CLIP4: variants seen among roughly 807,000 people sequenced by gnomAD.
CLIP4 encodes CAP-Gly domain-containing linker protein 4.
Under a neutral mutation model 73.1 loss-of-function variants are expected in CLIP4, and 47 were observed. The observed-to-expected ratio is 0.64, with a 90% CI of 0.51 to 0.82. The LOEUF (loss-of-function observed/expected upper bound fraction) is 0.82, where lower values mean the gene tolerates loss of function less well. Among genes scored for constraint, CLIP4 ranks in the 40% least tolerant of loss-of-function variants. The pLI, the probability that CLIP4 is intolerant of heterozygous loss-of-function variation, is 0.00. For missense variants in CLIP4, 874 were observed against 852.9 expected (o/e 1.02, Z -0.31); for synonymous variants, 306 against 295.4 (o/e 1.04, Z -0.37).
intron 8 of CLIP4, among the ~76,000 whole-genome samples, chr2:29,147,956 A>G (rs2148009410): frequency 1.3e-5 from 2 of 152,312 alleles, no homozygotes; most frequent in Middle Eastern, 6.8e-3. Flanking sequence ...GGCAGGATCA[A>G]AAGCCTTTAG....
At chr2:29,179,647 G>C (rs1039242503) in intron 15 of CLIP4, among the ~76,000 whole-genome samples, 1 of 152,178 alleles carries the variant, frequency 6.6e-6, no homozygotes, top group African/African-American at 2.4e-5. Context: ...CCTAGTAAGT[G>C]TTCAGGAAAT....
At chr2:29,164,261 A>G (rs1418990012) in intron 13 of CLIP4, among the ~76,000 whole-genome samples, 1 of 152,240 alleles carries the variant, frequency 6.6e-6, no homozygotes. Context: ...CATGCAAACA[A>G]AAGTAAAAAT....
intron 1 of CLIP4, among the ~76,000 whole-genome samples, chr2:29,107,371 T>TTG (rs1668249339): frequency 8.4e-6 from 1 of 119,008 alleles, no homozygotes; most frequent in African/African-American, 3.5e-5. Flanking sequence ...TTTTTTTTTT[T>TTG]TTTTTTTTTT....
At chr2:29,178,424 A>G (rs923521821) in intron 15 of CLIP4, among the ~76,000 whole-genome samples, 4 of 151,842 alleles carry the variant, frequency 2.6e-5, no homozygotes, top group Admixed American at 2.0e-4. Context: ...CAGGTGATCC[A>G]CCTGCCTCAG....
rs934614262 is a variant in CLIP4, at chr2:29,183,229, A to G, written c.*1336A>G. The G allele has an allele frequency of 2.0e-5, 3 of 152,658 alleles. No homozygotes were observed. The highest frequency in any genetic ancestry group is 4.8e-5 in the African/African-American group (2 of 41,466). 9.5% of individuals were successfully genotyped at this position (152,658 alleles called of 1,614,324 possible). A position where few individuals can be genotyped will look rare whatever the true frequency, so the allele number is the denominator to read the frequency against. On this transcript the variant is annotated 3_prime_UTR_variant, in exon 16 of 16. Coordinates refer to ENST00000320081, the MANE Select transcript of CLIP4 (RefSeq NM_024692.6). ...GAAATATTGGAACAGTTTGCTTTATAAGATTAAAAAGCATCCTTCAGAATG... is the reference window on the plus strand; with the variant it reads ...GAAATATTGGAACAGTTTGCTTTATGAGATTAAAAAGCATCCTTCAGAATG...
In CLIP4 at chr2:29,105,661, G is replaced by A. The variant is rs59418571; in HGVS notation, c.-16+7714G>A. Among the ~76,000 whole-genome samples the A allele has an allele frequency of 9.6e-3, 1,458 of 152,320 alleles. 30 individuals are homozygous for A. Among genetic ancestry groups the A allele is most frequent in the African/African-American group, 0.033 (1,390 of 41,572 alleles). On this transcript the variant is annotated intron_variant, in intron 1 of 14. Transcript: ENST00000401605. ...CTAGACTGCTAGGGACTAAATGTTT[G>A]TGTACCCCCAAATCATGTTGAAACC...
Position 29,121,497 on chromosome 2 carries a change from G to T in CLIP4, c.109G>T (p.Ala37Ser). ...SDTPVIFSIS[A>S]APMPSDCEFS... The stretch of plus-strand genomic sequence containing the variant: ...TACCCCAGTTATCTTTTCCATTTCT[G>T]CAGCACCAATGCCTTCAGACTGTGG... The change falls in exon 2 of 16, where the codon GCA becomes TCA. Residue 37 changes from alanine to serine, a missense_variant. By Grantham distance (99) the Ala-to-Ser change is moderately conservative (BLOSUM62 1). Transcript: ENST00000320081. 6.2e-7 allele frequency: 1 copy of T among 1,613,620 alleles called. No individual in the cohort carries two copies. The highest frequency in any genetic ancestry group is 8.5e-7 in the Non-Finnish European group (1 of 1,179,814).
chr2:29,120,665 C>T (rs892251038), intron 1 of CLIP4, among the ~76,000 whole-genome samples: 34 of 152,148 alleles, frequency 2.2e-4, no homozygotes, highest in African/African-American at 8.2e-4. Context: ...AGCAGTTTCT[C>T]TGCTTTCTAC....
At chr2:29,159,692 A>T (rs900787356) in intron 11 of CLIP4, among the ~76,000 whole-genome samples, 2 of 101,576 alleles carry the variant, frequency 2.0e-5, no homozygotes, top group Non-Finnish European at 5.6e-5. Flanking sequence ...TTAAAAAAAA[A>T]AAAAAAAAAA....
chr2:29,137,125 C>T (rs1665421741), intron 6 of CLIP4, among the ~76,000 whole-genome samples: 3 of 151,854 alleles, frequency 2.0e-5, no homozygotes, highest in African/African-American at 4.8e-5. Flanking sequence ...TCTGTTGACG[C>T]CGTCACCCAA....
At chr2:29,137,337 ATGT>A (rs1665440086) in intron 6 of CLIP4, among the ~76,000 whole-genome samples, 1 of 152,150 alleles carries the variant, frequency 6.6e-6, no homozygotes, top group Non-Finnish European at 1.5e-5. Flanking sequence ...AGTTGCATCC[ATGT>A]TGTTGCAAAG....
chr2:29,123,667 G>T (rs185717752), intron 2 of CLIP4, among the ~76,000 whole-genome samples: 4 of 152,330 alleles, frequency 2.6e-5, no homozygotes. Flanking sequence ...GGTCTTTGTG[G>T]CTGAGAAGCA....
At chr2:29,135,985 T>C (rs1047686724) in intron 6 of CLIP4, among the ~76,000 whole-genome samples, 15 of 152,228 alleles carry the variant, frequency 9.9e-5, no homozygotes, top group Non-Finnish European at 2.9e-5. Flanking sequence ...ATACATATAT[T>C]ACAGTTATAT....
At chr2:29,160,612 A>G (rs1297555273) in intron 12 of CLIP4, 145 bp downstream of exon 12, 2 of 928,544 alleles carry the variant, frequency 2.2e-6, no homozygotes, top group Non-Finnish European at 3.2e-6. Context: ...ATGTGAAATG[A>G]TGATGAAAAC....
At chr2:29,107,372 T>TTTTG (rs1558504985) in intron 1 of CLIP4, among the ~76,000 whole-genome samples, 25 of 124,670 alleles carry the variant, frequency 2.0e-4, no homozygotes, top group Middle Eastern at 7.6e-3. Context: ...TTTTTTTTTT[T>TTTTG]TTTTTTTTTT....
intron 9 of CLIP4, 81 bp downstream of exon 9, chr2:29,152,909 C>CT (rs113615666): frequency 0.3 from 441,762 of 1,449,880 alleles, 69,540 homozygotes; most frequent in Non-Finnish European, 0.33. Context: ...GATTGCTTCA[C>CT]TTTTTTTTGT....
Position 29,174,400 on chromosome 2 carries a change from C to T in CLIP4, c.1751C>T (p.Ser584Phe). 6.2e-7 allele frequency: 1 copy of T among 1,612,748 alleles called. No homozygotes were observed. Among genetic ancestry groups the T allele is most frequent in the East Asian group, 2.2e-5 (1 of 44,810 alleles). ...TTTAGGAGAAGTTTTAGCACAACTT[C>T]TGCTTCTTCCCAAAAGGAGATTAAC... ...PGFRRSFSTT[S>F]ASSQKEINRR... The change falls in exon 15 of 16, where the codon TCT becomes TTT. Residue 584 changes from serine to phenylalanine, a missense_variant. By Grantham distance (155) the Ser-to-Phe change is radical. Transcript: ENST00000320081.
In CLIP4 at chr2:29,135,518, A is replaced by G. The variant is rs750012684; in HGVS notation, c.530-30A>G. 4.7e-6 allele frequency: 7 copies of G among 1,485,626 alleles called. No individual in the cohort carries two copies. In the South Asian group the frequency reaches 7.4e-5, roughly 16 times the overall value. The allele number at this position is 1,485,626 out of a possible 1,614,324, so 92.0% of individuals were successfully genotyped here. A position where few individuals can be genotyped will look rare whatever the true frequency, so the allele number is the denominator to read the frequency against. On this transcript the variant is annotated intron_variant, in intron 5 of 15. Transcript: ENST00000320081. ...TTATGATAGCTAAGTTTAAACTTTTAGTTAATATACTTATGATGTTTAATT... is the reference window on the plus strand; with the variant it reads ...TTATGATAGCTAAGTTTAAACTTTTGGTTAATATACTTATGATGTTTAATT...
chr2:29,158,454 C>T (rs963844491), intron 11 of CLIP4, among the ~76,000 whole-genome samples: 2 of 151,484 alleles, frequency 1.3e-5, no homozygotes, highest in Non-Finnish European at 1.5e-5. Context: ...AGGGTTATGT[C>T]GACTTAAACA....
Sources: allele counts gnomAD v4.1 joint callset (sites outside exome capture counted in the v4.1 genomes callset), GRCh38; gene constraint gnomAD v4.1.1; transcripts MANE v1.5; gene names NCBI Gene and HGNC (gene_info 2026-07-23, HGNC 2026-07-21).